The following PCBP3 variants were observed in gnomAD, a reference collection of about 807,000 sequenced individuals.
The protein encoded by PCBP3 is poly(rC) binding protein 3.
In PCBP3, 25 loss-of-function variants were observed where a neutral mutation model predicts 52.7. That is an observed-to-expected ratio of 0.47 (90% CI 0.35 to 0.66). The LOEUF (loss-of-function observed/expected upper bound fraction) is 0.66. PCBP3 is among the 30% of genes least tolerant of loss of function. The pLI, the probability that PCBP3 is intolerant of heterozygous loss-of-function variation, is 0.01. For synonymous variants in PCBP3, 162 were observed against 183.0 expected, an observed-to-expected ratio of 0.89 and a Z score of 0.93; for missense variants, 391 against 490.3, an observed-to-expected ratio of 0.80 and a Z score of 1.91.
At chr21:45,846,948 C>T (rs1176055272) in intron 4 of PCBP3, among the ~76,000 whole-genome samples, 1 of 152,242 alleles carries the variant, frequency 6.6e-6, no homozygotes, top group Non-Finnish European at 1.5e-5. Context: ...GGAAATTTTT[C>T]ACAGGGCCAA....
At chr21:45,729,074 C>T (rs1740624003) in intron 2 of PCBP3, among the ~76,000 whole-genome samples, 1 of 152,190 alleles carries the variant, frequency 6.6e-6, no homozygotes, top group Non-Finnish European at 1.5e-5. Flanking sequence ...CACTCCTGGT[C>T]TCCCCCTGTC....
chr21:45,933,366 A>G (rs576345422), intron 15 of PCBP3, among the ~76,000 whole-genome samples: 1 of 152,356 alleles, frequency 6.6e-6, no homozygotes, highest in South Asian at 2.1e-4. Context: ...TTATGCAGAC[A>G]TTTCTTTATA....
chr21:45,740,864 G>T (rs1165844483), intron 3 of PCBP3, among the ~76,000 whole-genome samples: 2 of 152,180 alleles, frequency 1.3e-5, no homozygotes, highest in African/African-American at 4.8e-5. Flanking sequence ...CTTGGGAATG[G>T]CGTTACTGTG....
intron 16 of PCBP3, among the ~76,000 whole-genome samples, chr21:45,936,952 A>C (rs955713954): frequency 2.0e-5 from 3 of 152,156 alleles, no homozygotes; most frequent in Admixed American, 2.0e-4. Flanking sequence ...GCCTTTGGGT[A>C]CAGCCTTCCA....
At chr21:45,804,159 C>T (rs2092412092) in intron 4 of PCBP3, among the ~76,000 whole-genome samples, 1 of 152,148 alleles carries the variant, frequency 6.6e-6, no homozygotes, top group African/African-American at 2.4e-5. Context: ...GTGTTTTTTA[C>T]CCCATTGCTG....
intron 6 of PCBP3, among the ~76,000 whole-genome samples, chr21:45,898,786 T>C (rs112441607): frequency 0.054 from 1,521 of 28,340 alleles, 19 homozygotes; most frequent in Middle Eastern, 0.14. Context: ...CCCCTCTGCA[T>C]GCCGTCCTCA....
chr21:45,693,201 C>T (rs950356679), intron 2 of PCBP3, among the ~76,000 whole-genome samples: 1 of 152,080 alleles, frequency 6.6e-6, no homozygotes, highest in Non-Finnish European at 1.5e-5. Context: ...AAATAGTGAA[C>T]ACTTACCTCC....
rs2093615145 is a variant in PCBP3, at chr21:45,837,478, G to C, written c.-125-12483G>C. Among the ~76,000 whole-genome samples, 1 of 152,204 alleles carries C rather than the reference G, an allele frequency of 6.6e-6. No individual in the cohort carries two copies. The highest frequency in any genetic ancestry group is 2.1e-4 in the South Asian group (1 of 4,826). ...ACAGGCCACGGCGCCCTAGCTTCAG[G>C]TTATAGGGCATGGCTACGTGCCTGT... On this transcript the variant is annotated intron_variant, in intron 4 of 17. Coordinates refer to ENST00000681687, the MANE Select transcript of PCBP3 (RefSeq NM_001384156.1). The surrounding 1 kb of genome is among the most constrained non-coding windows in gnomAD (Gnocchi z 4.1).
intron 4 of PCBP3, among the ~76,000 whole-genome samples, chr21:45,838,076 C>G (rs1307360853): frequency 6.6e-6 from 1 of 152,238 alleles, no homozygotes; most frequent in African/African-American, 2.4e-5. Flanking sequence ...TCTTTGCACT[C>G]AGTTGTTCTC....
rs375403133 is a variant in PCBP3 at position 45,805,211 on chromosome 21, A to C, written c.-125-44750A>C. Among the ~76,000 whole-genome samples the C allele has an allele frequency of 6.6e-6, 1 of 152,176 alleles. No individual in the cohort carries two copies. Among genetic ancestry groups the C allele is most frequent in the African/African-American group, 2.4e-5 (1 of 41,432 alleles). ...ACCCCTGTGGCCTGGCCCCCATGGC[A>C]GGGTCTAAGGCTGTTCCCCGGAAGC... On this transcript the variant is annotated intron_variant, in intron 4 of 17. Transcript: ENST00000681687. This position sits in a 1 kb window ranked among gnomAD's most constrained non-coding sequence, Gnocchi z 4.6.
intron 5 of PCBP3, among the ~76,000 whole-genome samples, chr21:45,870,489 G>A (rs1482038681): frequency 3.3e-5 from 5 of 152,198 alleles, no homozygotes; most frequent in Non-Finnish European, 7.3e-5. Flanking sequence ...CGGGAGCTGC[G>A]TCTCCTGCTT....
chr21:45,801,473 G>T (rs1183197759), intron 4 of PCBP3, among the ~76,000 whole-genome samples: 1 of 152,260 alleles, frequency 6.6e-6, no homozygotes, highest in Admixed American at 6.5e-5. Flanking sequence ...ACACACTCAG[G>T]TTCCATGGCC....
chr21:45,823,170 A>G (rs1230819583), intron 4 of PCBP3, among the ~76,000 whole-genome samples: 1 of 152,166 alleles, frequency 6.6e-6, no homozygotes, highest in African/African-American at 2.4e-5. Flanking sequence ...CCTAAAACTG[A>G]TTGTACTGGC....
Position 45,917,441 on chromosome 21 carries a change from C to A in PCBP3, c.676-147C>A. 1.8e-6 allele frequency: 1 copy of A among 544,948 alleles called. No homozygotes were observed. The highest frequency in any genetic ancestry group is 3.3e-6 in the Non-Finnish European group (1 of 302,598). The allele number at this position is 544,948 out of a possible 1,614,324, so 33.8% of individuals were successfully genotyped here. A position where few individuals can be genotyped will look rare whatever the true frequency, so the allele number is the denominator to read the frequency against. Reference sequence around the variant, plus strand: ...GCTCCTGGTGCCCTGGGAGGGTTGGCCCTTTGTCCTAGGATGGGGACAGGT... The same window carrying A: ...GCTCCTGGTGCCCTGGGAGGGTTGGACCTTTGTCCTAGGATGGGGACAGGT... On this transcript the variant is annotated intron_variant, in intron 12 of 17. Coordinates refer to ENST00000681687, the MANE Select transcript of PCBP3 (RefSeq NM_001384156.1). This position sits in a 1 kb window ranked among gnomAD's most constrained non-coding sequence, Gnocchi z 5.3.
chr21:45,828,589 T>C (rs1318327309), intron 4 of PCBP3: 1 of 152,250 alleles, frequency 6.6e-6, no homozygotes, highest in East Asian at 1.9e-4. Flanking sequence ...TGGGAGTCCC[T>C]CCCGTCCTCC....
Position 45,928,730 on chromosome 21 carries a change from A to T in PCBP3, c.718-1187A>T, listed in dbSNP as rs2075805810. ...CTCTGTGGCAGCTTCTGCCACCCAT[A>T]CCCTGTGCAGTGAGGAAGCTGAGGT... On this transcript the variant is annotated intron_variant, in intron 13 of 17. Transcript: ENST00000681687. The surrounding 1 kb of genome is among the most constrained non-coding windows in gnomAD (Gnocchi z 4.1). 6.6e-6 allele frequency among the ~76,000 whole-genome samples: 1 copy of T among 152,092 alleles called. No homozygotes were observed. The highest frequency in any genetic ancestry group is 1.5e-5 in the Non-Finnish European group (1 of 67,986).
chr21:45,853,977 C>T lies in PCBP3; in HGVS notation c.10+3882C>T, dbSNP rs1010245747. 1 of 150,464 alleles carries T rather than the reference C, an allele frequency of 6.6e-6. No individual in the cohort carries two copies. The highest frequency in any genetic ancestry group is 2.0e-4 in the East Asian group (1 of 5,122). The allele number at this position is 150,464 out of a possible 1,614,324, so 9.3% of individuals were successfully genotyped here. ...ATATCCGCATCTCAGCCTCTGTGCA[C>T]GAGGCTAGGAAGAGAAGAGATTTCC... On this transcript the variant is annotated intron_variant, in intron 5 of 17. Transcript: ENST00000681687. This position sits in a 1 kb window ranked among gnomAD's most constrained non-coding sequence, Gnocchi z 4.6.
At chr21:45,646,453 T>G (rs1444548670) in intron 1 of PCBP3, among the ~76,000 whole-genome samples, 1 of 144,684 alleles carries the variant, frequency 6.9e-6, no homozygotes, top group East Asian at 1.9e-4. Context: ...AGTACCAGTT[T>G]GTTTTAGTTT....
chr21:45,685,753 T>C (rs1055201089), intron 2 of PCBP3, among the ~76,000 whole-genome samples: 1 of 152,080 alleles, frequency 6.6e-6, no homozygotes, highest in African/African-American at 2.4e-5. Flanking sequence ...AGGAGATACA[T>C]GGAAAGACTC....
Sources: allele counts gnomAD v4.1 joint callset (sites outside exome capture counted in the v4.1 genomes callset), GRCh38; gene constraint gnomAD v4.1.1; non-coding constraint Gnocchi (gnomAD v3.1); transcripts MANE v1.5; gene names NCBI Gene and HGNC (gene_info 2026-07-23, HGNC 2026-07-21).